The following SUMF1 variants were observed in gnomAD, a reference collection of about 807,000 sequenced individuals.
SUMF1 encodes sulfatase modifying factor 1.
In SUMF1, 48 loss-of-function variants were observed where a neutral mutation model predicts 47.6. That is an observed-to-expected ratio of 1.01 (90% CI 0.80 to 1.28). The LOEUF (loss-of-function observed/expected upper bound fraction) is 1.28. Ranked by LOEUF, SUMF1 falls within the 50% of genes most tolerant of loss-of-function variation. SUMF1 has a pLI of 0.00. For synonymous variants in SUMF1, 230 were observed against 192.1 expected (o/e 1.20, Z -1.63); for missense variants, 571 against 485.4 (o/e 1.18, Z -1.66).
intron 8 of SUMF1, among the ~76,000 whole-genome samples, chr3:4,197,021 C>G (rs775048519): frequency 6.6e-6 from 1 of 152,112 alleles, no homozygotes; most frequent in African/African-American, 2.4e-5. Flanking sequence ...CACATGGACA[C>G]TCCTAGACGA....
At chr3:4,160,587 T>C (rs993545615) in intron 8 of SUMF1, among the ~76,000 whole-genome samples, 1 of 152,080 alleles carries the variant, frequency 6.6e-6, no homozygotes, top group African/African-American at 2.4e-5. Context: ...TTCTGTTTGA[T>C]CACTTCTGCT....
At chr3:4,402,019 T>C (rs576152822) in intron 7 of SUMF1, among the ~76,000 whole-genome samples, 43 of 152,240 alleles carry the variant, frequency 2.8e-4, no homozygotes, top group Admixed American at 2.0e-3. Flanking sequence ...TAGGAAAATA[T>C]GTTGCAGAAA....
At chr3:4,100,318 C>T (rs1235577345) in intron 8 of SUMF1, among the ~76,000 whole-genome samples, 1 of 151,812 alleles carries the variant, frequency 6.6e-6, no homozygotes, top group Non-Finnish European at 1.5e-5. Context: ...ATCAAAATGG[C>T]ATAGGACTGG....
intron 8 of SUMF1, among the ~76,000 whole-genome samples, chr3:4,276,316 C>A (rs868278100): frequency 6.6e-6 from 1 of 152,000 alleles, no homozygotes; most frequent in African/African-American, 2.4e-5. Context: ...GAAGAAATAG[C>A]CTAAAAAGAC....
At position 4,397,324 on chromosome 3, in the gene SUMF1, C is replaced by G. The variant is rs1575173074; in HGVS notation, c.954+13541G>C. 2.6e-5 allele frequency among the ~76,000 whole-genome samples: 4 copies of G among 152,318 alleles called. No homozygotes were observed. In the East Asian group the frequency reaches 7.7e-4, roughly 29 times the overall value. ...CAGACTACATTCACTGAAAGATTTGCTCCAGAATCAATCACTTATATTGCT... is the reference window on the plus strand; with the variant it reads ...CAGACTACATTCACTGAAAGATTTGGTCCAGAATCAATCACTTATATTGCT... On this transcript the variant is annotated intron_variant, in intron 7 of 8. Transcript: ENST00000272902.
chr3:4,334,065 C>T (rs1699099520), intron 8 of SUMF1, among the ~76,000 whole-genome samples: 1 of 151,718 alleles, frequency 6.6e-6, no homozygotes, highest in Non-Finnish European at 1.5e-5. Flanking sequence ...AAGAGCATGG[C>T]TACAGTGAGC....
In SUMF1 at chr3:4,406,055, C is replaced by T. The variant is rs149142315; in HGVS notation, c.954+4810G>A. On this transcript the variant is annotated intron_variant, in intron 7 of 8. Transcript: ENST00000272902. Reference sequence around the variant, plus strand: ...CTTTTTTCCCTGCCTCGCCCCACACCGCCCGCCCCATGCTTCTAAAGGCCA... The same window carrying T: ...CTTTTTTCCCTGCCTCGCCCCACACTGCCCGCCCCATGCTTCTAAAGGCCA... 1.1e-4 allele frequency among the ~76,000 whole-genome samples: 17 copies of T among 152,128 alleles called. No individual in the cohort carries two copies. In the East Asian group the frequency reaches 3.1e-3, roughly 28 times the overall value.
At position 4,467,129 on chromosome 3, in the gene SUMF1, G is replaced by A. The variant is rs2079975522; in HGVS notation, c.117C>T (p.Thr39=). ...CGAAGSQEAG[T]GAGAGSLAGS... is the part of the protein sequence containing the mutation. ...CCGCAAGGGACCCCGCGCCCGCACCGGTCCCGGCCTCCTGGCTCCCTGCCG... is the reference window on the plus strand; with the variant it reads ...CCGCAAGGGACCCCGCGCCCGCACCAGTCCCGGCCTCCTGGCTCCCTGCCG... Residue 39 remains threonine, a synonymous_variant, in exon 1 of 9, where the codon ACC becomes ACT. Coordinates refer to ENST00000272902, the MANE Select transcript of SUMF1 (RefSeq NM_182760.4). 6 of 1,564,526 alleles carry A rather than the reference G, an allele frequency of 3.8e-6. No homozygotes were observed. Among genetic ancestry groups the A allele is most frequent in the Non-Finnish European group, 5.2e-6 (6 of 1,156,122 alleles).
At chr3:4,222,008 T>A (rs1268882093) in intron 8 of SUMF1, among the ~76,000 whole-genome samples, 1 of 151,928 alleles carries the variant, frequency 6.6e-6, no homozygotes, top group Non-Finnish European at 1.5e-5. Context: ...TGTAAAAAAA[T>A]TTATGCTTTT....
At chr3:4,461,621 G>A (rs1038859494) in intron 1 of SUMF1, among the ~76,000 whole-genome samples, 3 of 151,924 alleles carry the variant, frequency 2.0e-5, no homozygotes, top group African/African-American at 4.8e-5. Flanking sequence ...GTGAACTTCC[G>A]GCCGAGTTTT....
chr3:4,100,486 T>C (rs947085922), intron 8 of SUMF1, among the ~76,000 whole-genome samples: 3 of 151,886 alleles, frequency 2.0e-5, no homozygotes, highest in Admixed American at 6.6e-5. Context: ...ACAGATAAAA[T>C]TTAAATGTCC....
chr3:4,087,633 A>G (rs1191683099), intron 8 of SUMF1, among the ~76,000 whole-genome samples: 2 of 152,130 alleles, frequency 1.3e-5, no homozygotes, highest in Admixed American at 6.5e-5. Flanking sequence ...CATAGAAGAC[A>G]GTAGGAGAAA....
chr3:4,153,777 A>T lies in SUMF1; in HGVS notation c.1015-85032T>A, dbSNP rs969667408. Reference sequence around the variant, plus strand: ...ATTTCTGTATGTTGTATTCAGCAACATGATTGTATAGAAATTATTGTTGCC... The same window carrying T: ...ATTTCTGTATGTTGTATTCAGCAACTTGATTGTATAGAAATTATTGTTGCC... On this transcript the variant is annotated intron_variant and NMD_transcript_variant, in intron 8 of 12. Coordinates refer to the SUMF1 transcript ENST00000448413. Among the ~76,000 whole-genome samples, 9 of 151,536 alleles carry T rather than the reference A, an allele frequency of 5.9e-5. 1 individual carries two copies. Among genetic ancestry groups the T allele is most frequent in the African/African-American group, 2.2e-4 (9 of 40,884 alleles).
chr3:4,204,029 G>C (rs1363694728), intron 8 of SUMF1, among the ~76,000 whole-genome samples: 2 of 151,944 alleles, frequency 1.3e-5, no homozygotes, highest in African/African-American at 4.8e-5. Context: ...CACAATTACA[G>C]TGTTGTAATA....
rs139318498 is a variant in SUMF1, at chr3:4,221,009, T to C, written c.1015-152264A>G. On this transcript the variant is annotated intron_variant and NMD_transcript_variant, in intron 8 of 12. Transcript: ENST00000448413. Reference sequence around the variant, plus strand: ...CTACTTAACTGTCTGCCCACACATATTTCTCACTATGACTTCTTTAATCAG... The same window carrying C: ...CTACTTAACTGTCTGCCCACACATACTTCTCACTATGACTTCTTTAATCAG... Among the ~76,000 whole-genome samples, 72 of 152,266 alleles carry C rather than the reference T, an allele frequency of 4.7e-4. No homozygotes were observed. The East Asian group carries it at 0.012, about 26-fold the overall frequency.
At chr3:4,255,150 C>T (rs1696919589) in intron 8 of SUMF1, among the ~76,000 whole-genome samples, 1 of 149,676 alleles carries the variant, frequency 6.7e-6, no homozygotes, top group Admixed American at 6.7e-5. Context: ...GTACCAGCCG[C>T]TGCAAAATCA....
At chr3:4,354,670 C>T (rs950459089) in intron 8 of SUMF1, among the ~76,000 whole-genome samples, 4 of 152,122 alleles carry the variant, frequency 2.6e-5, no homozygotes, top group Non-Finnish European at 5.9e-5. Flanking sequence ...TTAAGCTTTT[C>T]TATGCAGTCT....
chr3:4,455,893 A>T (rs1420936855), intron 1 of SUMF1, among the ~76,000 whole-genome samples: 1 of 152,172 alleles, frequency 6.6e-6, no homozygotes, highest in African/African-American at 2.4e-5. Context: ...TTACACTGAC[A>T]CCAAAGCCAG....
intron 8 of SUMF1, among the ~76,000 whole-genome samples, chr3:4,253,079 T>C (rs1696843639): frequency 6.6e-6 from 1 of 152,232 alleles, no homozygotes; most frequent in Non-Finnish European, 1.5e-5. Flanking sequence ...ATATGTTATA[T>C]GTACAACATG....
Sources: allele counts gnomAD v4.1 joint callset (sites outside exome capture counted in the v4.1 genomes callset), GRCh38; gene constraint gnomAD v4.1.1; transcripts MANE v1.5; gene names NCBI Gene and HGNC (gene_info 2026-07-23, HGNC 2026-07-21).